ABCC4: variants seen among roughly 807,000 people sequenced by gnomAD.
The protein encoded by ABCC4 is ATP binding cassette subfamily C member 4 (PEL blood group).
Under a neutral mutation model 168.5 loss-of-function variants are expected in ABCC4, and 102 were observed. That is an observed-to-expected ratio of 0.61 (90% confidence interval 0.52 to 0.71). The LOEUF (loss-of-function observed/expected upper bound fraction) is 0.71. ABCC4 is among the 30% of genes least tolerant of loss of function. ABCC4 has a pLI of 0.00. For synonymous variants in ABCC4, 617 were observed against 590.7 expected, an observed-to-expected ratio of 1.04 and a Z score of -0.65; for missense variants, 1,402 against 1,605.8, an observed-to-expected ratio of 0.87 and a Z score of 2.17.
At chr13:95,161,071 A>G in intron 19 of ABCC4, 118 bp downstream of exon 19, 1 of 714,840 alleles carries the variant, frequency 1.4e-6, no homozygotes, top group African/African-American at 1.8e-5. Context: ...AAATGAATCA[A>G]CATGCATAGT....
In ABCC4 at chr13:95,062,699, C is replaced by A; in HGVS notation, c.3366+5G>T. On this transcript the variant is annotated splice_donor_5th_base_variant and intron_variant, in intron 26 of 30. Coordinates refer to ENST00000645237, the MANE Select transcript of ABCC4 (RefSeq NM_005845.5). ...GGGCAGGTAAGGACGCTATGACTTGCATACCTGAGGTATGATTGACATCTT... is the reference window on the plus strand; with the variant it reads ...GGGCAGGTAAGGACGCTATGACTTGAATACCTGAGGTATGATTGACATCTT... 1 of 1,612,612 alleles carries A rather than the reference C, an allele frequency of 6.2e-7. No individual in the cohort carries two copies. Among genetic ancestry groups the A allele is most frequent in the Non-Finnish European group, 8.5e-7 (1 of 1,179,256 alleles).
At chr13:95,046,717 C>G (rs1302798628) in intron 27 of ABCC4, among the ~76,000 whole-genome samples, 3 of 151,810 alleles carry the variant, frequency 2.0e-5, no homozygotes, top group Non-Finnish European at 2.9e-5. Flanking sequence ...AAGCCAAGAT[C>G]GCGCCACTGC....
chr13:95,158,816 T>C (rs1416876529), intron 19 of ABCC4, among the ~76,000 whole-genome samples: 4 of 151,990 alleles, frequency 2.6e-5, no homozygotes, highest in Non-Finnish European at 5.9e-5. Context: ...ATGCCTGTAA[T>C]CCCAGCACTT....
intron 19 of ABCC4, among the ~76,000 whole-genome samples, chr13:95,120,363 A>C (rs2035523925): frequency 6.6e-6 from 1 of 152,010 alleles, no homozygotes; most frequent in Admixed American, 6.6e-5. Context: ...TCAGGAGTTC[A>C]AGACCGGCCT....
At chr13:95,047,830 T>C (rs979331421) in intron 27 of ABCC4, among the ~76,000 whole-genome samples, 7 of 152,212 alleles carry the variant, frequency 4.6e-5, no homozygotes, top group Non-Finnish European at 7.3e-5. Context: ...TGCACTGCTG[T>C]AGTTTTCTTC....
intron 1 of ABCC4, among the ~76,000 whole-genome samples, chr13:95,276,603 G>A (rs950500182): frequency 1.3e-5 from 2 of 151,892 alleles, no homozygotes; most frequent in Admixed American, 6.6e-5. Context: ...GCAGCCACCC[G>A]CCTCTCTTTC....
intron 15 of ABCC4, among the ~76,000 whole-genome samples, chr13:95,165,942 CCTT>C (rs1199320215): frequency 2.0e-5 from 3 of 152,188 alleles, no homozygotes; most frequent in East Asian, 1.9e-4. Context: ...CTACTCACCT[CCTT>C]GACATTCCCC....
chr13:95,160,228 T>C (rs184589846), intron 19 of ABCC4, among the ~76,000 whole-genome samples: 5 of 152,318 alleles, frequency 3.3e-5, no homozygotes, highest in African/African-American at 1.2e-4. Context: ...ATAGCACCTA[T>C]GTGCTCTGGC....
intron 4 of ABCC4, among the ~76,000 whole-genome samples, chr13:95,228,736 C>G (rs1056372203): frequency 6.6e-6 from 1 of 151,118 alleles, no homozygotes; most frequent in Admixed American, 6.6e-5. Context: ...TGTGCTCTAG[C>G]CTGGGCGACA....
At chr13:95,102,448 G>A (rs1373880020) in intron 20 of ABCC4, among the ~76,000 whole-genome samples, 1 of 151,890 alleles carries the variant, frequency 6.6e-6, no homozygotes. Context: ...CTCTGGCAAA[G>A]TCTTTTATTA....
At chr13:95,218,985 GAGTGAGAAAGAAAGAA>G (rs2039229533) in intron 4 of ABCC4, among the ~76,000 whole-genome samples, 1 of 23,448 alleles carries the variant, frequency 4.3e-5, no homozygotes, top group Admixed American at 5.4e-4. Context: ...AAGAAAGAAA[GAGTGAGAAAGAAAGAA>G]AGAGTGAGAA....
At chr13:95,218,899 G>C (rs2039203103) in intron 4 of ABCC4, among the ~76,000 whole-genome samples, 1 of 38,018 alleles carries the variant, frequency 2.6e-5, no homozygotes, top group Admixed American at 2.6e-4. Flanking sequence ...AGATGAGAGA[G>C]AGAGAAAGAG....
intron 27 of ABCC4, among the ~76,000 whole-genome samples, chr13:95,047,473 A>ATGCTT (rs2032629386): frequency 3.6e-5 from 2 of 55,118 alleles, no homozygotes; most frequent in African/African-American, 1.4e-4. Flanking sequence ...AATACTGCCT[A>ATGCTT]TTCTTTTTTT....
intron 19 of ABCC4, among the ~76,000 whole-genome samples, chr13:95,137,408 C>T (rs547388179): frequency 1.3e-5 from 2 of 152,268 alleles, no homozygotes; most frequent in Admixed American, 6.5e-5. Context: ...AAAAGTCTTG[C>T]TGTTTCCCAT....
intron 22 of ABCC4, 95 bp from the exon 23 acceptor site, chr13:95,074,419 T>A: frequency 1.0e-6 from 1 of 959,460 alleles, no homozygotes; most frequent in Non-Finnish European, 1.6e-6. Flanking sequence ...TTACGTGGAG[T>A]AGGGCACCAA....
chr13:95,296,135 AAC>A (rs753316849), intron 1 of ABCC4, among the ~76,000 whole-genome samples: 1,599 of 98,926 alleles, frequency 0.016, 37 homozygotes, highest in African/African-American at 0.058. Context: ...CCTGTCTCAA[AAC>A]ACACACACAC....
chr13:95,275,981 T>C, intron 1 of ABCC4, among the ~76,000 whole-genome samples: 1 of 152,330 alleles, frequency 6.6e-6, no homozygotes, highest in African/African-American at 2.4e-5. Context: ...ATGCCAATCC[T>C]TAGCCTGAAT....
intron 19 of ABCC4, among the ~76,000 whole-genome samples, chr13:95,137,957 G>A (rs1001821410): frequency 1.3e-5 from 2 of 152,138 alleles, no homozygotes; most frequent in Non-Finnish European, 2.9e-5. Flanking sequence ...TGATTAAGCA[G>A]CAAAGTTTTA....
At chr13:95,231,286 TTA>T (rs1404433384) in intron 4 of ABCC4, among the ~76,000 whole-genome samples, 3 of 152,226 alleles carry the variant, frequency 2.0e-5, no homozygotes, top group African/African-American at 7.2e-5. Flanking sequence ...ATGGTAAATT[TTA>T]TGTTATGCAT....
Sources: gnomAD v4.1 joint callset for allele counts (sites outside exome capture counted in the v4.1 genomes callset) on GRCh38, gnomAD v4.1.1 for gene constraint, MANE v1.5 for transcripts, NCBI Gene and HGNC (gene_info 2026-07-23, HGNC 2026-07-21) for gene names.